The following SCFD2 variants were observed in gnomAD, a reference collection of about 807,000 sequenced individuals.
SCFD2 encodes the protein sec1 family domain-containing protein 2.
Under a neutral mutation model 58.9 loss-of-function variants are expected in SCFD2, and 54 were observed. The ratio of observed to expected loss-of-function variants is 0.92; its 90% CI spans 0.74 to 1.15. The LOEUF (loss-of-function observed/expected upper bound fraction) is 1.15. Ranked by LOEUF, SCFD2 falls within the 50% of genes most tolerant of loss-of-function variation. SCFD2 has a pLI of 0.00. For missense variants in SCFD2, 805 were observed against 836.6 expected (o/e 0.96, Z 0.47); for synonymous variants, 321 against 335.9 (o/e 0.96, Z 0.49).
chr4:53,040,411 A>AT (rs369908748), intron 5 of SCFD2, among the ~76,000 whole-genome samples: 1 of 151,882 alleles, frequency 6.6e-6, no homozygotes. Flanking sequence ...TTGGAATTTG[A>AT]TTTTTTTTCT....
intron 4 of SCFD2, among the ~76,000 whole-genome samples, chr4:53,227,016 C>G (rs1252556414): frequency 6.6e-6 from 1 of 152,136 alleles, no homozygotes; most frequent in Non-Finnish European, 1.5e-5. Flanking sequence ...ATGTCCTGGA[C>G]CTTCTCATCC....
At chr4:53,209,957 A>G (rs1414260833) in intron 4 of SCFD2, among the ~76,000 whole-genome samples, 1 of 152,134 alleles carries the variant, frequency 6.6e-6, no homozygotes, top group Admixed American at 6.5e-5. Flanking sequence ...TGATGTATGT[A>G]TGAATCTTTC....
chr4:53,016,271 A>G (rs1312982973), intron 5 of SCFD2, among the ~76,000 whole-genome samples: 2 of 152,234 alleles, frequency 1.3e-5, no homozygotes, highest in Non-Finnish European at 2.9e-5. Context: ...GATCCTATCC[A>G]AGGAGGAATC....
At chr4:53,113,722 T>G (rs1577738896) in intron 5 of SCFD2, among the ~76,000 whole-genome samples, 1 of 152,214 alleles carries the variant, frequency 6.6e-6, no homozygotes, top group South Asian at 2.1e-4. Context: ...CCCAGCACAC[T>G]ACCTGACATA....
intron 7 of SCFD2, among the ~76,000 whole-genome samples, chr4:52,886,365 T>A (rs777586562): frequency 2.0e-4 from 30 of 152,202 alleles, no homozygotes; most frequent in Non-Finnish European, 3.7e-4. Context: ...TGAGAGCTGT[T>A]CTGTTGTTCA....
At chr4:53,196,201 A>G (rs1347919483) in intron 4 of SCFD2, among the ~76,000 whole-genome samples, 1 of 152,160 alleles carries the variant, frequency 6.6e-6, no homozygotes, top group Non-Finnish European at 1.5e-5. Flanking sequence ...TGATGCCAAC[A>G]TAGTCTCATC....
intron 5 of SCFD2, among the ~76,000 whole-genome samples, chr4:53,081,329 G>A (rs1724140382): frequency 6.6e-6 from 1 of 152,122 alleles, no homozygotes; most frequent in Admixed American, 6.6e-5. Context: ...GCGTGATGCT[G>A]AGGTTTGGAG....
intron 7 of SCFD2, among the ~76,000 whole-genome samples, chr4:52,889,128 G>A (rs1030334014): frequency 6.6e-6 from 1 of 152,134 alleles, no homozygotes; most frequent in African/African-American, 2.4e-5. Flanking sequence ...ACATCTCCTT[G>A]ATTACTTCCA....
At chr4:53,218,944 A>C (rs1340819870) in intron 4 of SCFD2, among the ~76,000 whole-genome samples, 1 of 152,234 alleles carries the variant, frequency 6.6e-6, no homozygotes, top group African/African-American at 2.4e-5. Context: ...CGGAGGCTGC[A>C]GAACAGCGAA....
At chr4:53,256,024 C>T (rs988142771) in intron 4 of SCFD2, among the ~76,000 whole-genome samples, 1 of 150,134 alleles carries the variant, frequency 6.7e-6, no homozygotes, top group Non-Finnish European at 1.5e-5. Flanking sequence ...GGGTCTGACC[C>T]CCCACCTCCC....
chr4:53,086,420 A>G (rs1484646877), intron 5 of SCFD2, among the ~76,000 whole-genome samples: 3 of 152,136 alleles, frequency 2.0e-5, no homozygotes, highest in Non-Finnish European at 4.4e-5. Context: ...AAAGCCCTAT[A>G]CACTGTTGGT....
At chr4:53,238,620 C>A (rs551685830) in intron 4 of SCFD2, among the ~76,000 whole-genome samples, 16 of 151,020 alleles carry the variant, frequency 1.1e-4, no homozygotes, top group East Asian at 9.9e-4. Flanking sequence ...GGCTGCCAGG[C>A]GGAGGAGCTC....
chr4:52,922,627 G>A (rs528816924), intron 5 of SCFD2, among the ~76,000 whole-genome samples: 66 of 152,236 alleles, frequency 4.3e-4, no homozygotes, highest in African/African-American at 1.3e-3. Context: ...GGACATTTGG[G>A]TTGTTTTTGC....
At position 52,890,301 on chromosome 4, in the gene SCFD2, AAACTGC is replaced by A. The variant is rs1718851935; in HGVS notation, c.1843-4441_1843-4436del. On this transcript the variant is annotated intron_variant, in intron 7 of 8. Transcript: ENST00000401642. Reference sequence around the variant, plus strand: ...CAGATGAAAAGGGAAAAAAAGAAACAAACTGCAACAACAAAGAACAATACCCTGGGG... The same window carrying A: ...CAGATGAAAAGGGAAAAAAAGAAACAAACAACAAAGAACAATACCCTGGGG... 2.6e-5 allele frequency among the ~76,000 whole-genome samples: 4 copies of A among 152,362 alleles called. No individual in the cohort carries two copies. The South Asian group carries it at 8.3e-4, about 32-fold the overall frequency.
chr4:53,013,508 T>C (rs1722143553), intron 5 of SCFD2, among the ~76,000 whole-genome samples: 1 of 152,218 alleles, frequency 6.6e-6, no homozygotes, highest in Non-Finnish European at 1.5e-5. Flanking sequence ...TTTTTCCTCA[T>C]TCATTCAATT....
chr4:53,089,400 G>T (rs1435255048), intron 5 of SCFD2, among the ~76,000 whole-genome samples: 1 of 152,020 alleles, frequency 6.6e-6, no homozygotes, highest in East Asian at 1.9e-4. Context: ...AAGTCCAATT[G>T]TGCTGAACTG....
At chr4:53,356,881 C>T (rs1337985022) in intron 1 of SCFD2, among the ~76,000 whole-genome samples, 10 of 151,896 alleles carry the variant, frequency 6.6e-5, no homozygotes, top group East Asian at 1.9e-4. Context: ...GGACTACAGG[C>T]GCCTGCCACC....
chr4:53,089,553 C>G (rs1025587451), intron 5 of SCFD2, among the ~76,000 whole-genome samples: 1 of 152,014 alleles, frequency 6.6e-6, no homozygotes, highest in African/African-American at 2.4e-5. Flanking sequence ...GTACAAAAGT[C>G]AAATTTCTTT....
rs556228990 is a variant in SCFD2, at chr4:52,928,807, C to T, written c.1562-7937G>A. On this transcript the variant is annotated intron_variant, in intron 5 of 8. Coordinates refer to ENST00000401642, the MANE Select transcript of SCFD2 (RefSeq NM_152540.4). ...GAGACTCTGGACTCGCCTTGCATGC[C>T]TAGCACAGTGCTTAGCTCACAGAAG... Among the ~76,000 whole-genome samples, 129 of 152,280 alleles carry T rather than the reference C, an allele frequency of 8.5e-4. 1 individual carries two copies. The highest frequency in any genetic ancestry group is 2.9e-3 in the African/African-American group (119 of 41,550).
Sources: allele counts gnomAD v4.1 joint callset (sites outside exome capture counted in the v4.1 genomes callset), GRCh38; gene constraint gnomAD v4.1.1; transcripts MANE v1.5; gene names NCBI Gene and HGNC (gene_info 2026-07-23, HGNC 2026-07-21).